NPR3: variants seen among roughly 807,000 people sequenced by gnomAD.
NPR3 encodes the protein natriuretic peptide receptor 3.
In NPR3, 34 loss-of-function variants were observed where a neutral mutation model predicts 54.5. That is an observed-to-expected ratio of 0.62 (90% confidence interval 0.47 to 0.83). The LOEUF is 0.83. Ranked by LOEUF, NPR3 falls within the 40% of genes least tolerant of loss-of-function variation. NPR3 has a pLI of 0.00. For missense variants in NPR3, 674 were observed against 720.8 expected (o/e 0.94, Z 0.74); for synonymous variants, 289 against 297.1 (o/e 0.97, Z 0.28).
At chr5:32,725,804 T>C (rs373486154) in intron 2 of NPR3, among the ~76,000 whole-genome samples, 5 of 152,322 alleles carry the variant, frequency 3.3e-5, no homozygotes, top group African/African-American at 9.6e-5. Flanking sequence ...TTACTGCAAA[T>C]TGAGGTACAA....
chr5:32,746,091 G>A (rs1394454427), intron 3 of NPR3, among the ~76,000 whole-genome samples: 1 of 152,180 alleles, frequency 6.6e-6, no homozygotes, highest in Non-Finnish European at 1.5e-5. Flanking sequence ...CAGGAGTCTG[G>A]ACAGTTTATT....
rs1053795727 is a variant in NPR3 at position 32,723,938 on chromosome 5, TATCA to T, written c.770-749_770-746del. On this transcript the variant is annotated intron_variant, in intron 1 of 7. Coordinates refer to ENST00000265074, the MANE Select transcript of NPR3 (RefSeq NM_001204375.2). ...CTTTTCTACCCATCTACCTATCATC[TATCA>T]ATCAATCAATATATGTGTACATATA... Among the ~76,000 whole-genome samples, 5 of 151,804 alleles carry T rather than the reference TATCA, an allele frequency of 3.3e-5. No homozygotes were observed. In the South Asian group the frequency reaches 1.0e-3, roughly 32 times the overall value.
At chr5:32,750,454 G>T (rs2111980038) in intron 3 of NPR3, among the ~76,000 whole-genome samples, 1 of 152,164 alleles carries the variant, frequency 6.6e-6, no homozygotes, top group East Asian at 1.9e-4. Context: ...TTTCTTATCT[G>T]CTATTTCCTT....
chr5:32,710,914 G>A, upstream of NPR3: 10 of 864,832 alleles, frequency 1.2e-5, no homozygotes, highest in South Asian at 2.9e-5. Context: ...GTGTGTGTGT[G>A]TGTATGTGTG....
At chr5:32,694,835 C>A (rs1054719746) in intron 1 of NPR3, among the ~76,000 whole-genome samples, 2 of 151,914 alleles carry the variant, frequency 1.3e-5, no homozygotes, top group Non-Finnish European at 2.9e-5. Flanking sequence ...ATTAACCATC[C>A]CTATGTTCTC....
chr5:32,697,499 C>T (rs1740560307), intron 1 of NPR3, among the ~76,000 whole-genome samples: 1 of 151,278 alleles, frequency 6.6e-6, no homozygotes, highest in African/African-American at 2.4e-5. Flanking sequence ...TTAACACTGG[C>T]TGCATAGAGT....
At chr5:32,731,152 G>A (rs527559717) in intron 2 of NPR3, among the ~76,000 whole-genome samples, 58 of 152,130 alleles carry the variant, frequency 3.8e-4, no homozygotes, top group Non-Finnish European at 7.5e-4. Context: ...ACTTATTGCT[G>A]GTGATGTTTG....
chr5:32,714,415 G>C (rs1338291207), intron 1 of NPR3, among the ~76,000 whole-genome samples: 4 of 152,206 alleles, frequency 2.6e-5, no homozygotes, highest in African/African-American at 9.7e-5. Context: ...GGACTGGTGC[G>C]CCCCGGGCTT....
chr5:32,707,590 AGT>A (rs1397258367), upstream of NPR3, among the ~76,000 whole-genome samples: 2 of 151,974 alleles, frequency 1.3e-5, no homozygotes, highest in African/African-American at 4.8e-5. Flanking sequence ...TCTAGGGGGG[AGT>A]GTGTTTTCAA....
In NPR3 at chr5:32,791,669, CGTACTCAGA is replaced by C. The variant is rs916002281; in HGVS notation, c.*5328_*5336del. ...ATGTTTCTATCAAGCAAGAATGCCA[CGTACTCAGA>C]GTATAACAATGTGTTCTCATTAAAA... is the stretch of plus-strand genomic sequence containing the variant. On this transcript the variant is annotated 3_prime_UTR_variant, in exon 8 of 8. Coordinates refer to ENST00000265074, the MANE Select transcript of NPR3 (RefSeq NM_001204375.2). The C allele has an allele frequency of 6.0e-6, 1 of 166,730 alleles. No individual in the cohort carries two copies. The highest frequency in any genetic ancestry group is 2.4e-5 in the African/African-American group (1 of 41,454). The allele number at this position is 166,730 out of a possible 1,614,324, so 10.3% of individuals were successfully genotyped here. A position where few individuals can be genotyped will look rare whatever the true frequency, so the allele number is the denominator to read the frequency against.
At chr5:32,704,767 G>A (rs529603175), upstream of NPR3, among the ~76,000 whole-genome samples, 34 of 152,306 alleles carry the variant, frequency 2.2e-4, no homozygotes, top group Middle Eastern at 3.4e-3. Flanking sequence ...ATGCGCTGGC[G>A]TTTGCACATG....
intron 2 of NPR3, among the ~76,000 whole-genome samples, chr5:32,727,292 A>C (rs1460137825): frequency 6.6e-6 from 1 of 151,914 alleles, no homozygotes; most frequent in African/African-American, 2.4e-5. Context: ...ATGCCTGGTT[A>C]CTTTCTCTTA....
At chr5:32,770,286 C>A (rs756528601) in intron 3 of NPR3, among the ~76,000 whole-genome samples, 1 of 151,852 alleles carries the variant, frequency 6.6e-6, no homozygotes, top group Non-Finnish European at 1.5e-5. Flanking sequence ...AAAAATTAAC[C>A]GGGCATGGTG....
intron 1 of NPR3, among the ~76,000 whole-genome samples, chr5:32,700,518 G>C (rs772962670): frequency 1.3e-5 from 2 of 151,878 alleles, no homozygotes; most frequent in Non-Finnish European, 2.9e-5. Flanking sequence ...TTTACATTAG[G>C]TATTTCTCCT....
Position 32,789,641 on chromosome 5 carries a change from A to T in NPR3, c.*3296A>T, listed in dbSNP as rs150632210. The T allele has an allele frequency of 8.1e-4, 434 of 534,758 alleles. No individual in the cohort carries two copies. Among genetic ancestry groups the T allele is most frequent in the Non-Finnish European group, 1.3e-3 (351 of 260,090 alleles). The allele number at this position is 534,758 out of a possible 1,614,324, so 33.1% of individuals were successfully genotyped here. ...TCCCTATTCACAGGCTTCTAAAATC[A>T]TTAATTTACTCAAGGCACATGTGCC... is the stretch of plus-strand genomic sequence containing the variant. On this transcript the variant is annotated 3_prime_UTR_variant, in exon 8 of 8. Coordinates refer to ENST00000265074, the MANE Select transcript of NPR3 (RefSeq NM_001204375.2).
Position 32,712,503 on chromosome 5 carries a change from G to C in NPR3, c.727G>C (p.Asp243His). 6.5e-7 allele frequency: 1 copy of C among 1,550,134 alleles called. No homozygotes were observed. The highest frequency in any genetic ancestry group is 8.7e-7 in the Non-Finnish European group (1 of 1,150,310). Residue 243 changes from aspartate (D) to histidine (H), a missense_variant, in exon 1 of 8, where the codon GAT becomes CAT. Physicochemically the swap from Asp to His is moderately conservative, Grantham distance 81. Coordinates refer to ENST00000265074, the MANE Select transcript of NPR3 (RefSeq NM_001204375.2). Reference protein sequence around the residue: ...IYSFDETKDLDLEDIVRNIQA... With the variant: ...IYSFDETKDLHLEDIVRNIQA... Reference sequence around the variant, plus strand: ...CAGTTTCGACGAGACCAAAGACTTGGATCTGGAAGACATCGTGCGCAATAT... The same window carrying C: ...CAGTTTCGACGAGACCAAAGACTTGCATCTGGAAGACATCGTGCGCAATAT...
chr5:32,710,858 G>GTTTTTTTTTTTTTTGTTTTTTT (rs1561072778), upstream of NPR3: 2 of 1,046,870 alleles, frequency 1.9e-6, no homozygotes, highest in African/African-American at 5.8e-5. Flanking sequence ...CCCCAGTCCT[G>GTTTTTTTTTTTTTTGTTTTTTT]GTTTTTTTTT....
intron 1 of NPR3, among the ~76,000 whole-genome samples, chr5:32,692,322 A>G (rs1305002445): frequency 6.6e-6 from 1 of 152,208 alleles, no homozygotes; most frequent in Non-Finnish European, 1.5e-5. Context: ...CTGCCAAACA[A>G]CAGGATTCAG....
chr5:32,718,991 G>T (rs913309311), intron 1 of NPR3, among the ~76,000 whole-genome samples: 3 of 152,146 alleles, frequency 2.0e-5, no homozygotes, highest in African/African-American at 7.2e-5. Flanking sequence ...CTATGGGTTT[G>T]TCATAAATAG....
Sources: allele counts gnomAD v4.1 joint callset (sites outside exome capture counted in the v4.1 genomes callset), GRCh38; gene constraint gnomAD v4.1.1; transcripts MANE v1.5; gene names NCBI Gene and HGNC (gene_info 2026-07-23, HGNC 2026-07-21).